The following NECAP2 variants were observed in gnomAD, a reference collection of about 807,000 sequenced individuals.
NECAP2 encodes adaptin ear-binding coat-associated protein 2.
In NECAP2, 38 loss-of-function variants were observed where a neutral mutation model predicts 37.8. The observed-to-expected ratio is 1.01, with a 90% CI of 0.78 to 1.32. NECAP2 has a LOEUF of 1.32. Ranked by LOEUF, NECAP2 falls within the 40% of genes most tolerant of loss-of-function variation. NECAP2 has a pLI of 0.00. For synonymous variants in NECAP2, 121 were observed against 127.7 expected (o/e 0.95, Z 0.35); for missense variants, 316 against 334.5 (o/e 0.94, Z 0.43).
rs1253620266 is a variant in NECAP2 at position 16,459,054 on chromosome 1, A to AT, written c.*166dup. On this transcript the variant is annotated 3_prime_UTR_variant, in exon 8 of 8. Coordinates refer to ENST00000337132, the MANE Select transcript of NECAP2 (RefSeq NM_018090.5). ...ACAAACCGGGCATGTTTGGCAGTAA[A>AT]TTGGCACCGTGTCACACTGTTTCCT... The AT allele has an allele frequency of 6.0e-6, 9 of 1,497,174 alleles. No individual in the cohort carries two copies. The highest frequency in any genetic ancestry group is 8.1e-6 in the Non-Finnish European group (9 of 1,112,946). 92.7% of individuals were successfully genotyped at this position (1,497,174 alleles called of 1,614,324 possible). A position where few individuals can be genotyped will look rare whatever the true frequency, so the allele number is the denominator to read the frequency against.
Position 16,458,931 on chromosome 1 carries a change from CT to C in NECAP2, c.*42del. On this transcript the variant is annotated 3_prime_UTR_variant, in exon 8 of 8. Transcript: ENST00000337132. ...TCCTCATGTGACTTCTGGGAAGGCGCTCCCTCATCTGGGCCAAAGGAAGGAG... is the reference window on the plus strand; with the variant it reads ...TCCTCATGTGACTTCTGGGAAGGCGCCCCTCATCTGGGCCAAAGGAAGGAG... The C allele has an allele frequency of 6.2e-7, 1 of 1,614,106 alleles. No individual in the cohort carries two copies. The highest frequency in any genetic ancestry group is 1.3e-5 in the African/African-American group (1 of 75,032).
chr1:16,452,110 G>GACCAATCCATGTGT, intron 6 of NECAP2, 95 bp downstream of exon 6: 1 of 1,289,208 alleles, frequency 7.8e-7, no homozygotes, highest in South Asian at 1.4e-5. Flanking sequence ...TTACACACAT[G>GACCAATCCATGTGT]GATTGGTCAT....
Position 16,451,851 on chromosome 1 carries a change from A to G in NECAP2, c.503A>G (p.Lys168Arg). Residue 168 changes from lysine (K) to arginine (R), a missense_variant, in exon 6 of 8, where the codon AAG becomes AGG. Lys to Arg is a conservative substitution (Grantham distance 26, BLOSUM62 2). Around this residue, in one of 3 missense-constraint regions of NECAP2, gnomAD observed 204 missense variants for 188.6 expected, o/e 1.08. Coordinates refer to ENST00000337132, the MANE Select transcript of NECAP2 (RefSeq NM_018090.5). The stretch of plus-strand genomic sequence containing the variant: ...TTCCCTCTTTAGAACATGAAGAAGA[A>G]GGAAGGAGCAGCTGGGAATCCCCGA... ...IKLNIANMKK[K>R]EGAAGNPRVR... is the part of the protein sequence containing the mutation. The G allele has an allele frequency of 6.2e-7, 1 of 1,614,104 alleles. No homozygotes were observed. Among genetic ancestry groups the G allele is most frequent in the South Asian group, 1.1e-5 (1 of 91,088 alleles).
rs2086909045 is a variant in NECAP2, at chr1:16,455,829, G to A, written c.679G>A (p.Val227Ile). ...GGGAACATCAATAGGAGGTGCTCCT[G>A]TACCCTGGCCACAGCCCAATCCTGC... ...AVAPSSGGAP[V>I]PWPQPNPATA... Residue 227 changes from valine to isoleucine, a missense_variant, in exon 7 of 8, where the codon GTA becomes ATA. Physicochemically the swap from Val to Ile is conservative, Grantham distance 29 (BLOSUM62 3). Coordinates refer to ENST00000337132, the MANE Select transcript of NECAP2 (RefSeq NM_018090.5). 1.2e-6 allele frequency: 2 copies of A among 1,613,838 alleles called. No homozygotes were observed. The highest frequency in any genetic ancestry group is 2.7e-5 in the African/African-American group (2 of 74,918).
At chr1:16,455,344 C>T (rs188141956) in intron 6 of NECAP2, among the ~76,000 whole-genome samples, 5 of 152,304 alleles carry the variant, frequency 3.3e-5, no homozygotes, top group East Asian at 1.9e-4. Flanking sequence ...GGACTTGGCA[C>T]GTGGCTGGCA....
chr1:16,443,788 G>T (rs1459967958), intron 2 of NECAP2, 56 bp downstream of exon 2: 1 of 1,424,222 alleles, frequency 7.0e-7, no homozygotes, highest in Non-Finnish European at 9.8e-7. Flanking sequence ...TTTATGAAGG[G>T]AGAGGTGGCC....
intron 7 of NECAP2, among the ~76,000 whole-genome samples, chr1:16,456,713 CA>C (rs990891068): frequency 6.6e-6 from 1 of 152,158 alleles, no homozygotes; most frequent in African/African-American, 2.4e-5. Flanking sequence ...GATTCTAGGA[CA>C]GGGGTCAGCA....
chr1:16,444,027 C>A (rs914592439), intron 2 of NECAP2, among the ~76,000 whole-genome samples: 2 of 152,144 alleles, frequency 1.3e-5, no homozygotes, highest in Admixed American at 1.3e-4. Flanking sequence ...AGTAGGAAGC[C>A]CTGGAAGTGG....
chr1:16,457,052 T>C (rs757123164), intron 7 of NECAP2, among the ~76,000 whole-genome samples: 27 of 152,238 alleles, frequency 1.8e-4, no homozygotes, highest in Non-Finnish European at 4.0e-4. Flanking sequence ...ATTCAGGCCG[T>C]GTGGTCTTCG....
At chr1:16,443,482 G>T (rs1041939155) in intron 1 of NECAP2, 150 bp from the exon 2 acceptor site, 20 of 641,908 alleles carry the variant, frequency 3.1e-5, no homozygotes, top group Admixed American at 4.9e-5. Flanking sequence ...AGGCTGTGTG[G>T]CCTGTAGAGC....
At position 16,450,248 on chromosome 1, in the gene NECAP2, G is replaced by GTT. The variant is rs35074812; in HGVS notation, c.489+1055_489+1056dup. Reference sequence around the variant, plus strand: ...AGCATCAGCTGAGGGCCAGGTAGTGGTTTTTTTTTGTTTTGTTTTGTTTTT... The same window carrying GTT: ...AGCATCAGCTGAGGGCCAGGTAGTGGTTTTTTTTTTTGTTTTGTTTTGTTTTT... On this transcript the variant is annotated intron_variant, in intron 5 of 7. Transcript: ENST00000337132. The GTT allele has an allele frequency of 1.5e-3, 531 of 355,808 alleles. 1 individual carries two copies. The highest frequency in any genetic ancestry group is 2.1e-3 in the South Asian group (103 of 49,468). The allele number at this position is 355,808 out of a possible 1,614,324, so 22.0% of individuals were successfully genotyped here. A position where few individuals can be genotyped will look rare whatever the true frequency, so the allele number is the denominator to read the frequency against.
chr1:16,447,996 T>TA, intron 3 of NECAP2, 22 bp downstream of exon 3: 1 of 1,613,832 alleles, frequency 6.2e-7, no homozygotes, highest in Non-Finnish European at 8.5e-7. Context: ...TCCTGGTGCT[T>TA]CCTCCTCTTG....
At chr1:16,456,855 C>T (rs1195906568) in intron 7 of NECAP2, among the ~76,000 whole-genome samples, 1 of 151,970 alleles carries the variant, frequency 6.6e-6, no homozygotes, top group Non-Finnish European at 1.5e-5. Flanking sequence ...GTGCACATCA[C>T]CATGCCAGCT....
At chr1:16,458,711 T>C in intron 7 of NECAP2, 131 bp from the exon 8 acceptor site, 1 of 883,782 alleles carries the variant, frequency 1.1e-6, no homozygotes. Flanking sequence ...CAGAGTTTGC[T>C]GACTGCTGCT....
chr1:16,455,964 C>T (rs892472554), intron 7 of NECAP2, 71 bp downstream of exon 7: 11 of 1,074,794 alleles, frequency 1.0e-5, no homozygotes, highest in Non-Finnish European at 1.6e-5. Context: ...TATTGTTCCA[C>T]ATGCCTGCCT....
At position 16,455,912 on chromosome 1, in the gene NECAP2, T is replaced by C; in HGVS notation, c.743+19T>C. On this transcript the variant is annotated intron_variant, in intron 7 of 7. Coordinates refer to ENST00000337132, the MANE Select transcript of NECAP2 (RefSeq NM_018090.5). ...CTACAGGGTAAGGAGGGCCATGTTC[T>C]GCGGAGGGGCTGGGGCCAGGGCCGT... is the stretch of plus-strand genomic sequence containing the variant. 6.2e-7 allele frequency: 1 copy of C among 1,604,732 alleles called. No individual in the cohort carries two copies. The highest frequency in any genetic ancestry group is 1.3e-5 in the African/African-American group (1 of 74,882).
intron 1 of NECAP2, among the ~76,000 whole-genome samples, chr1:16,443,005 A>T (rs1435931163): frequency 6.6e-6 from 1 of 152,166 alleles, no homozygotes; most frequent in African/African-American, 2.4e-5. Context: ...CTTTTCTCAC[A>T]TGTACTGTTG....
chr1:16,447,720 A>G, intron 2 of NECAP2, 150 bp from the exon 3 acceptor site: 3 of 654,538 alleles, frequency 4.6e-6, no homozygotes, highest in Non-Finnish European at 2.8e-6. Context: ...TTTAGCAAGA[A>G]TGGATTCGAT....
At chr1:16,453,387 G>A (rs1029922747) in intron 6 of NECAP2, among the ~76,000 whole-genome samples, 1 of 152,048 alleles carries the variant, frequency 6.6e-6, no homozygotes, top group Non-Finnish European at 1.5e-5. Context: ...AGGACTACAG[G>A]CGTGAGCTAC....
Sources: gnomAD v4.1 joint callset for allele counts (sites outside exome capture counted in the v4.1 genomes callset) on GRCh38, gnomAD v4.1.1 for gene constraint, gnomAD v4.1.1 regional missense constraint, MANE v1.5 for transcripts, NCBI Gene and HGNC (gene_info 2026-07-23, HGNC 2026-07-21) for gene names.